Variants in ATP9A observed in about 807,000 individuals in gnomAD.
ATP9A encodes probable phospholipid-transporting ATPase IIA.
In ATP9A, 52 loss-of-function variants were observed where a neutral mutation model predicts 144.1. That is an observed-to-expected ratio of 0.36 (90% CI 0.29 to 0.45). The LOEUF (loss-of-function observed/expected upper bound fraction) is 0.45. Ranked by LOEUF, ATP9A falls within the 20% of genes least tolerant of loss-of-function variation. The pLI is 1.00. For missense variants in ATP9A, 947 were observed against 1,392.7 expected, an observed-to-expected ratio of 0.68 and a Z score of 5.09; for synonymous variants, 582 against 557.4, an observed-to-expected ratio of 1.04 and a Z score of -0.62.
chr20:51,757,007 CCA>C (rs2077859449), intron 1 of ATP9A, among the ~76,000 whole-genome samples: 2 of 152,086 alleles, frequency 1.3e-5, no homozygotes, highest in South Asian at 4.2e-4. Context: ...GCTCTGAGGG[CCA>C]TTCACCCCCC....
intron 7 of ATP9A, among the ~76,000 whole-genome samples, chr20:51,691,936 C>T (rs1191016629): frequency 1.3e-5 from 2 of 152,234 alleles, no homozygotes; most frequent in African/African-American, 2.4e-5. Flanking sequence ...AGTTCTGACA[C>T]AGGCTACAAT....
rs1174533671 is a variant in ATP9A at position 51,619,013 on chromosome 20, G to A, written c.2146C>T (p.Leu716=). The A allele has an allele frequency of 2.5e-6, 4 of 1,614,070 alleles. No individual in the cohort carries two copies. Among genetic ancestry groups the A allele is most frequent in the South Asian group, 2.2e-5 (2 of 91,090 alleles). The part of the protein sequence containing the change: ...VTNRGEAHLE[L]NAFRRKHDCA... ...TCATGCTTCCTGCGGAAGGCGTTCA[G>A]CTCGAGGTGAGCCTCCCCGCGGTTG... Residue 716 remains leucine, a synonymous_variant, in exon 20 of 28, where the codon CTG becomes TTG. Coordinates refer to ENST00000338821, the MANE Select transcript of ATP9A (RefSeq NM_006045.3).
intron 26 of ATP9A, among the ~76,000 whole-genome samples, chr20:51,606,384 T>C (rs559381127): frequency 2.0e-5 from 3 of 152,022 alleles, no homozygotes; most frequent in Admixed American, 2.0e-4. Flanking sequence ...AAAACATACA[T>C]AAAAATGGAA....
chr20:51,718,805 A>C (rs1273332730), intron 3 of ATP9A, among the ~76,000 whole-genome samples: 5 of 109,948 alleles, frequency 4.5e-5, no homozygotes, highest in Admixed American at 2.3e-4. Flanking sequence ...ACAGAGCAAG[A>C]CTCCATCTCA....
intron 16 of ATP9A, among the ~76,000 whole-genome samples, chr20:51,628,273 G>A (rs1601066846): frequency 6.6e-6 from 1 of 152,168 alleles, no homozygotes; most frequent in Non-Finnish European, 1.5e-5. Flanking sequence ...GACAAAAATG[G>A]CCTGAAAACT....
intron 14 of ATP9A, among the ~76,000 whole-genome samples, chr20:51,651,294 AAT>A (rs3029338): frequency 7.2e-4 from 97 of 133,956 alleles, no homozygotes; most frequent in Admixed American, 1.1e-3. Flanking sequence ...TATATTATAT[AAT>A]ATATATTTAC....
At chr20:51,659,778 T>C (rs1238281318) in intron 13 of ATP9A, among the ~76,000 whole-genome samples, 2 of 152,220 alleles carry the variant, frequency 1.3e-5, no homozygotes, top group Admixed American at 6.5e-5. Context: ...TTTAATACTA[T>C]TTTTAGTATT....
chr20:51,682,131 C>T (rs2077502368), intron 9 of ATP9A, among the ~76,000 whole-genome samples: 1 of 152,040 alleles, frequency 6.6e-6, no homozygotes, highest in Non-Finnish European at 1.5e-5. Context: ...AAAACACTAC[C>T]TATTGGGTAC....
intron 9 of ATP9A, among the ~76,000 whole-genome samples, chr20:51,686,178 G>A (rs1322200555): frequency 6.6e-6 from 1 of 152,180 alleles, no homozygotes; most frequent in African/African-American, 2.4e-5. Flanking sequence ...AGAACACTTG[G>A]ACACAGGGTG....
intron 3 of ATP9A, among the ~76,000 whole-genome samples, chr20:51,724,404 C>T (rs2077703578): frequency 6.6e-6 from 1 of 152,180 alleles, no homozygotes; most frequent in Non-Finnish European, 1.5e-5. Flanking sequence ...CTTTGCATCA[C>T]TGCCCCCTGG....
At chr20:51,608,679 G>A in intron 24 of ATP9A, 53 bp from the exon 25 acceptor site, 2 of 1,172,166 alleles carry the variant, frequency 1.7e-6, no homozygotes, top group African/African-American at 3.0e-5. Context: ...TAGGAGCTAT[G>A]TGCTGTGCCA....
At chr20:51,627,968 C>G (rs866168981) in intron 16 of ATP9A, among the ~76,000 whole-genome samples, 1 of 152,148 alleles carries the variant, frequency 6.6e-6, no homozygotes, top group African/African-American at 2.4e-5. Flanking sequence ...ACACACAAAT[C>G]TGGACTGCTG....
At chr20:51,698,776 C>A (rs1347139441) in intron 4 of ATP9A, among the ~76,000 whole-genome samples, 1 of 152,132 alleles carries the variant, frequency 6.6e-6, no homozygotes, top group Non-Finnish European at 1.5e-5. Context: ...AGGTGAATAG[C>A]TAACAGCATG....
At chr20:51,720,790 C>T (rs951709178) in intron 3 of ATP9A, among the ~76,000 whole-genome samples, 3 of 152,096 alleles carry the variant, frequency 2.0e-5, no homozygotes, top group Non-Finnish European at 2.9e-5. Flanking sequence ...GCCGATATCG[C>T]GCCATTGCAC....
chr20:51,647,648 G>A (rs1601080138), intron 14 of ATP9A, among the ~76,000 whole-genome samples: 1 of 151,588 alleles, frequency 6.6e-6, no homozygotes, highest in Non-Finnish European at 1.5e-5. Context: ...GAGAATAGCT[G>A]GAACCCAGGA....
chr20:51,708,250 C>G (rs1383966449), intron 4 of ATP9A, among the ~76,000 whole-genome samples: 1 of 147,894 alleles, frequency 6.8e-6, no homozygotes, highest in African/African-American at 2.5e-5. Flanking sequence ...CTCGGGAGTT[C>G]AAAACCAGCC....
chr20:51,627,002 A>T lies in ATP9A; in HGVS notation c.1845+598T>A, dbSNP rs192044114. Among the ~76,000 whole-genome samples the T allele has an allele frequency of 1.9e-3, 282 of 151,096 alleles. 2 individuals carry two copies. The highest frequency in any genetic ancestry group is 0.01 in the Middle Eastern group (3 of 294). On this transcript the variant is annotated intron_variant, in intron 17 of 27. Coordinates refer to ENST00000338821, the MANE Select transcript of ATP9A (RefSeq NM_006045.3). ...AACCTGGGAGGCGGAGGTTACAGTG[A>T]GCCAAGATCACACCACTGCACTCCA...
intron 8 of ATP9A, among the ~76,000 whole-genome samples, chr20:51,689,601 G>C (rs934083174): frequency 1.1e-4 from 16 of 150,526 alleles, no homozygotes; most frequent in African/African-American, 3.9e-4. Flanking sequence ...GCAGTGGCGC[G>C]ATCTCGGCCC....
intron 8 of ATP9A, among the ~76,000 whole-genome samples, chr20:51,690,399 A>G (rs748548510): frequency 3.5e-4 from 53 of 152,234 alleles, no homozygotes; most frequent in South Asian, 8.3e-4. Flanking sequence ...CAGCCTGGGC[A>G]ACAGAGCAAG....
Sources: gnomAD v4.1 joint callset for allele counts (sites outside exome capture counted in the v4.1 genomes callset) on GRCh38, gnomAD v4.1.1 for gene constraint, MANE v1.5 for transcripts, NCBI Gene and HGNC (gene_info 2026-07-23, HGNC 2026-07-21) for gene names.